Variants in TUBB6 observed in about 807,000 individuals in gnomAD.
TUBB6 encodes the protein tubulin beta 6 class V.
A neutral mutation model predicts 32.3 loss-of-function variants in TUBB6; 18 were observed. That is an observed-to-expected ratio of 0.56 (90% CI 0.39 to 0.83). TUBB6 has a LOEUF of 0.83. Among genes scored for constraint, TUBB6 ranks in the 40% least tolerant of loss-of-function variants. The pLI is 0.00. For synonymous variants in TUBB6, 280 were observed against 265.8 expected (o/e 1.05, Z -0.52); for missense variants, 480 against 632.0 (o/e 0.76, Z 2.58).
chr18:12,320,552 G>A (rs10460000), intron 3 of TUBB6: 106,505 of 152,062 alleles, frequency 0.7, 38,152 homozygotes, highest in Non-Finnish European at 0.78. Context: ...TCAGGCAGAC[G>A]CATATATTTA....
intron 3 of TUBB6, among the ~76,000 whole-genome samples, chr18:12,321,599 T>G (rs1474854830): frequency 6.6e-6 from 1 of 152,190 alleles, no homozygotes; most frequent in Non-Finnish European, 1.5e-5. Flanking sequence ...GGGATGGACC[T>G]GCCCACGTGA....
chr18:12,322,446 C>T (rs2144160267), intron 3 of TUBB6, among the ~76,000 whole-genome samples: 1 of 151,366 alleles, frequency 6.6e-6, no homozygotes, highest in Non-Finnish European at 1.5e-5. Context: ...CCTCCATCTT[C>T]TACGCTTAAG....
chr18:12,320,468 G>C (rs1003108632), intron 3 of TUBB6: 1 of 152,100 alleles, frequency 6.6e-6, no homozygotes, highest in African/African-American at 2.4e-5. Context: ...GAACAAAAGG[G>C]TATATAGTGA....
downstream of TUBB6, chr18:12,329,660 C>A (rs1907454011): frequency 1.2e-6 from 2 of 1,614,044 alleles, no homozygotes. Flanking sequence ...GTGTCCTCAT[C>A]CAAGCTGCCA....
At chr18:12,319,225 C>T (rs1437579797) in intron 3 of TUBB6, among the ~76,000 whole-genome samples, 1 of 151,402 alleles carries the variant, frequency 6.6e-6, no homozygotes, top group Admixed American at 6.6e-5. Context: ...CTCACTGCAA[C>T]CTCCACCTCC....
downstream of TUBB6, chr18:12,329,533 T>C: frequency 6.2e-7 from 1 of 1,600,168 alleles, no homozygotes; most frequent in Non-Finnish European, 8.6e-7. Context: ...GAAACCACAG[T>C]GGACAGACTG....
At chr18:12,308,380 CG>C in intron 1 of TUBB6, 31 bp downstream of exon 1, 1 of 1,352,200 alleles carries the variant, frequency 7.4e-7, no homozygotes, top group Non-Finnish European at 9.5e-7. Context: ...GGCCTCTCCG[CG>C]GGTCGGCTGC....
chr18:12,308,943 GA>G, intron 2 of TUBB6, 148 bp downstream of exon 2: 1 of 631,202 alleles, frequency 1.6e-6, no homozygotes, highest in Non-Finnish European at 2.9e-6. Context: ...TCCGGGGCGG[GA>G]AATCCGCCGT....
rs1048113412 is a variant in TUBB6, at chr18:12,326,217, G to A, written c.*87G>A. ...GCCTCCTACCCTATGGCCCTGAATG[G>A]TGCACTGGTTTAATTGTGTTGGTGT... is the stretch of plus-strand genomic sequence containing the variant. On this transcript the variant is annotated 3_prime_UTR_variant, in exon 4 of 4. Coordinates refer to ENST00000317702, the MANE Select transcript of TUBB6 (RefSeq NM_032525.3). The A allele has an allele frequency of 2.7e-6, 4 of 1,491,404 alleles. No individual in the cohort carries two copies. Among genetic ancestry groups the A allele is most frequent in the African/African-American group, 2.8e-5 (2 of 71,406 alleles). 92.4% of individuals were successfully genotyped at this position (1,491,404 alleles called of 1,614,324 possible).
rs775912064 is a variant in TUBB6 at position 12,308,319 on chromosome 18, G to T, written c.27G>T (p.Ala9=). 7.4e-6 allele frequency: 11 copies of T among 1,482,288 alleles called. No homozygotes were observed. The Admixed American group carries it at 2.1e-4, about 28-fold the overall frequency. The allele number at this position is 1,482,288 out of a possible 1,614,324, so 91.8% of individuals were successfully genotyped here. A position where few individuals can be genotyped will look rare whatever the true frequency, so the allele number is the denominator to read the frequency against. ...TGAGGGAGATCGTGCACATCCAGGC[G>T]GGCCAGTGCGGGAACCAGATCGGCA... The part of the protein sequence containing the change: MREIVHIQ[A]GQCGNQIGTK... Residue 9 remains alanine (A), a synonymous_variant, in exon 1 of 4, where the codon GCG becomes GCT. Transcript: ENST00000317702.
chr18:12,327,014 T>C (rs1298382785), downstream of TUBB6, among the ~76,000 whole-genome samples: 1 of 152,194 alleles, frequency 6.6e-6, no homozygotes, highest in Non-Finnish European at 1.5e-5. Flanking sequence ...GGCCACACCT[T>C]TGGAGTTTCC....
At chr18:12,319,145 T>G (rs865950013) in intron 3 of TUBB6, among the ~76,000 whole-genome samples, 1 of 44,212 alleles carries the variant, frequency 2.3e-5, no homozygotes, top group Non-Finnish European at 7.1e-5. Flanking sequence ...TTTTTTTTTT[T>G]TTTCTTTTTT....
chr18:12,308,261 G>GGA lies in TUBB6; in HGVS notation c.-32_-31insGA. ...CCCGCAGTTGCCGCTGTCGTCCGCA[G>GGA]AGCCAGTTCCTAGCGCAGAGCCGCG... On this transcript the variant is annotated 5_prime_UTR_variant, in exon 1 of 4. Coordinates refer to ENST00000317702, the MANE Select transcript of TUBB6 (RefSeq NM_032525.3). 7.1e-7 allele frequency: 1 copy of GGA among 1,410,506 alleles called. No individual in the cohort carries two copies. 87.4% of individuals were successfully genotyped at this position (1,410,506 alleles called of 1,614,324 possible). A position where few individuals can be genotyped will look rare whatever the true frequency, so the allele number is the denominator to read the frequency against.
chr18:12,316,377 TA>T (rs1318575178), intron 3 of TUBB6, among the ~76,000 whole-genome samples: 1 of 152,262 alleles, frequency 6.6e-6, no homozygotes, highest in African/African-American at 2.4e-5. Context: ...GGTGCCCATT[TA>T]GTTATCTAAT....
rs76734563 is a variant in TUBB6, at chr18:12,314,148, A to C, written c.277+3095A>C. On this transcript the variant is annotated intron_variant, in intron 3 of 3. Transcript: ENST00000317702. ...AAAGAGCACCGCACCGGGAGAGGGAAACTGAGCAGCTGACCCTAGCTCTGT... is the reference window on the plus strand; with the variant it reads ...AAAGAGCACCGCACCGGGAGAGGGACACTGAGCAGCTGACCCTAGCTCTGT... 8.9e-3 allele frequency among the ~76,000 whole-genome samples: 1,358 copies of C among 152,198 alleles called. 12 individuals carry two copies. The highest frequency in any genetic ancestry group is 0.033 in the South Asian group (159 of 4,806).
intron 3 of TUBB6, among the ~76,000 whole-genome samples, chr18:12,316,628 T>C (rs117918948): frequency 0.016 from 2,511 of 152,348 alleles, 32 homozygotes; most frequent in Admixed American, 0.024. Context: ...TTTGTTAAAA[T>C]AACATATTAT....
chr18:12,314,018 C>T (rs559552577), intron 3 of TUBB6, among the ~76,000 whole-genome samples: 31 of 152,304 alleles, frequency 2.0e-4, no homozygotes, highest in Admixed American at 1.0e-3. Flanking sequence ...CTACTTTATA[C>T]AGATCAGCAT....
In TUBB6 at chr18:12,310,975, G is replaced by T; in HGVS notation, c.199G>T (p.Asp67Tyr). Residue 67 changes from aspartate to tyrosine, a missense_variant, in exon 3 of 4, where the codon GAC becomes TAC. Coordinates refer to ENST00000317702, the MANE Select transcript of TUBB6 (RefSeq NM_032525.3). ...ATATGTGCCCAGGGCCGCCCTGGTG[G>T]ACTTAGAGCCAGGCACCATGGACAG... is the stretch of plus-strand genomic sequence containing the variant. ...QKYVPRAALVDLEPGTMDSVR... is the reference protein window; with the variant it reads ...QKYVPRAALVYLEPGTMDSVR... 1 of 1,613,612 alleles carries T rather than the reference G, an allele frequency of 6.2e-7. No individual in the cohort carries two copies. The highest frequency in any genetic ancestry group is 8.5e-7 in the Non-Finnish European group (1 of 1,179,766).
In TUBB6 at chr18:12,325,273, C is replaced by A; in HGVS notation, c.484C>A (p.Arg162Ser). 1 of 1,614,198 alleles carries A rather than the reference C, an allele frequency of 6.2e-7. No individual in the cohort carries two copies. The highest frequency in any genetic ancestry group is 1.7e-5 in the Admixed American group (1 of 60,026). ...ISKIREEFPD[R>S]IMNTFSVMPS... is the part of the protein sequence containing the mutation. ...CAAGATCCGTGAGGAGTTCCCGGAC[C>A]GCATCATGAACACCTTCAGCGTCAT... Residue 162 changes from arginine to serine, a missense_variant, in exon 4 of 4, where the codon CGC (arginine) becomes AGC (serine). Coordinates refer to ENST00000317702, the MANE Select transcript of TUBB6 (RefSeq NM_032525.3).
Sources: allele counts gnomAD v4.1 joint callset (sites outside exome capture counted in the v4.1 genomes callset), GRCh38; gene constraint gnomAD v4.1.1; transcripts MANE v1.5; gene names NCBI Gene and HGNC (gene_info 2026-07-23, HGNC 2026-07-21).